The following ELOVL6 variants were observed in gnomAD, a reference collection of about 807,000 sequenced individuals.
ELOVL6 encodes the protein ELOVL fatty acid elongase 6, also known as very long chain fatty acid elongase 6.
In ELOVL6, 8 loss-of-function variants were observed where a neutral mutation model predicts 31.7. The ratio of observed to expected loss-of-function variants is 0.25; its 90% CI spans 0.15 to 0.45. The LOEUF (loss-of-function observed/expected upper bound fraction) is 0.45. ELOVL6 is among the 20% of genes least tolerant of loss of function. ELOVL6 has a pLI of 1.00. For missense variants in ELOVL6, 126 were observed against 326.4 expected (o/e 0.39, Z 4.73); for synonymous variants, 101 against 117.7 (o/e 0.86, Z 0.92).
chr4:110,129,056 C>A (rs1452536296), intron 1 of ELOVL6, among the ~76,000 whole-genome samples: 1 of 152,196 alleles, frequency 6.6e-6, no homozygotes, highest in African/African-American at 2.4e-5. Context: ...TTCAAAAGGA[C>A]AGGCTTATCT....
chr4:110,186,925 TA>T (rs1759466876), intron 1 of ELOVL6, among the ~76,000 whole-genome samples: 1 of 143,648 alleles, frequency 7.0e-6, no homozygotes, highest in South Asian at 2.2e-4. Context: ...AAAAAAAAAC[TA>T]TCAATTGAAT....
At position 110,084,083 on chromosome 4, in the gene ELOVL6, T is replaced by G. The variant is rs1229230535; in HGVS notation, c.221+21414A>C. 3.6e-5 allele frequency among the ~76,000 whole-genome samples: 4 copies of G among 111,456 alleles called. No homozygotes were observed. The East Asian group carries it at 1.1e-3, about 29-fold the overall frequency. 73.1% of individuals were successfully genotyped at this position (111,456 alleles called of 152,430 possible). A position where few individuals can be genotyped will look rare whatever the true frequency, so the allele number is the denominator to read the frequency against. On this transcript the variant is annotated intron_variant, in intron 2 of 3. Coordinates refer to ENST00000302274, the MANE Select transcript of ELOVL6 (RefSeq NM_024090.3). ...ATATATAACATATATATGCTATATA[T>G]GATATATAACATATATATGATATAT... is the stretch of plus-strand genomic sequence containing the variant.
intron 2 of ELOVL6, among the ~76,000 whole-genome samples, chr4:110,099,515 A>T (rs186842979): frequency 6.6e-6 from 1 of 152,218 alleles, no homozygotes; most frequent in Non-Finnish European, 1.5e-5. Flanking sequence ...AGCAAAAACA[A>T]TTGAGGCCAG....
chr4:110,193,706 C>G (rs1759692645), intron 1 of ELOVL6, among the ~76,000 whole-genome samples: 1 of 152,176 alleles, frequency 6.6e-6, no homozygotes, highest in Non-Finnish European at 1.5e-5. Flanking sequence ...GCATTTAATT[C>G]TTAAAATTCC....
At chr4:110,191,788 G>T (rs570280785) in intron 1 of ELOVL6, among the ~76,000 whole-genome samples, 41 of 151,650 alleles carry the variant, frequency 2.7e-4, no homozygotes, top group African/African-American at 9.0e-4. Context: ...CCAAGACCAG[G>T]CTCAAAAAAA....
At chr4:110,078,353 T>C (rs1357595593) in intron 2 of ELOVL6, among the ~76,000 whole-genome samples, 1 of 152,166 alleles carries the variant, frequency 6.6e-6, no homozygotes, top group Non-Finnish European at 1.5e-5. Flanking sequence ...GGTTGGGTTA[T>C]CCACGAAGGG....
intron 2 of ELOVL6, among the ~76,000 whole-genome samples, chr4:110,069,588 T>C (rs1216335668): frequency 6.6e-6 from 1 of 152,166 alleles, no homozygotes; most frequent in Admixed American, 6.5e-5. Flanking sequence ...TGGGGCACCA[T>C]TATCCCTGTT....
At position 110,051,812 on chromosome 4, in the gene ELOVL6, C is replaced by G. The variant is rs758604304; in HGVS notation, c.374-50G>C. 6.7e-7 allele frequency: 1 copy of G among 1,502,074 alleles called. No homozygotes were observed. Among genetic ancestry groups the G allele is most frequent in the South Asian group, 1.2e-5 (1 of 81,060 alleles). The allele number at this position is 1,502,074 out of a possible 1,614,324, so 93.0% of individuals were successfully genotyped here. A position where few individuals can be genotyped will look rare whatever the true frequency, so the allele number is the denominator to read the frequency against. ...ACGTGAGATCCTTGACCACCAGTAA[C>G]GATGACTTACAGTTTTGTAAGAGGG... On this transcript the variant is annotated intron_variant, in intron 3 of 3. Coordinates refer to ENST00000302274, the MANE Select transcript of ELOVL6 (RefSeq NM_024090.3). The surrounding 1 kb of genome is among the most constrained non-coding windows in gnomAD (Gnocchi z 4.8).
At chr4:110,194,815 C>T (rs1245330987) in intron 1 of ELOVL6, among the ~76,000 whole-genome samples, 3 of 152,342 alleles carry the variant, frequency 2.0e-5, no homozygotes, top group South Asian at 2.1e-4. Context: ...TGGCAAAATA[C>T]TACTCCTGGC....
intron 2 of ELOVL6, among the ~76,000 whole-genome samples, chr4:110,085,221 CTAG>C (rs1469035655): frequency 6.6e-6 from 1 of 152,134 alleles, no homozygotes; most frequent in Non-Finnish European, 1.5e-5. Flanking sequence ...TATTCTTCTC[CTAG>C]GAAGTCACAG....
intron 3 of ELOVL6, 52 bp downstream of exon 3, chr4:110,059,551 T>C (rs1755083253): frequency 5.8e-6 from 9 of 1,557,760 alleles, no homozygotes; most frequent in Non-Finnish European, 7.0e-6. Flanking sequence ...AAATAAATAC[T>C]GTGGATATGT....
rs540223291 is a variant in ELOVL6, at chr4:110,190,802, G to A, written c.89+7445C>T. 3.2e-4 allele frequency among the ~76,000 whole-genome samples: 47 copies of A among 147,288 alleles called. 1 individual carries two copies. In the South Asian group the frequency reaches 1.0e-2, roughly 31 times the overall value. On this transcript the variant is annotated intron_variant, in intron 1 of 3. Transcript: ENST00000302274. ...TTACAAGTATAAGCCACCATGCCCG[G>A]CCACTTTTTTTTTTTTCAATTTTTG...
chr4:110,101,593 A>G (rs922925217), intron 2 of ELOVL6, among the ~76,000 whole-genome samples: 2 of 152,226 alleles, frequency 1.3e-5, no homozygotes, highest in Non-Finnish European at 2.9e-5. Context: ...AACACATCAC[A>G]AATTTTTTTT....
intron 2 of ELOVL6, among the ~76,000 whole-genome samples, chr4:110,104,892 C>T (rs1756843013): frequency 6.6e-6 from 1 of 152,218 alleles, no homozygotes; most frequent in African/African-American, 2.4e-5. Flanking sequence ...CCTGAGAGAA[C>T]AGGCCTTGTC....
intron 1 of ELOVL6, among the ~76,000 whole-genome samples, chr4:110,168,895 T>C (rs1029681468): frequency 6.6e-6 from 1 of 152,222 alleles, no homozygotes; most frequent in Non-Finnish European, 1.5e-5. Context: ...AAGCCTTTAG[T>C]GGGTACGTGG....
At chr4:110,077,658 T>G (rs1755685613) in intron 2 of ELOVL6, among the ~76,000 whole-genome samples, 1 of 151,958 alleles carries the variant, frequency 6.6e-6, no homozygotes, top group East Asian at 1.9e-4. Flanking sequence ...GCAGAAAAAC[T>G]GGAAACTCTA....
chr4:110,084,555 C>CAGAT (rs1560815738), intron 2 of ELOVL6, among the ~76,000 whole-genome samples: 3 of 58,330 alleles, frequency 5.1e-5, no homozygotes, highest in African/African-American at 3.1e-4. Flanking sequence ...CACACACACA[C>CAGAT]ACACACAGAT....
At chr4:110,167,367 C>T (rs918194854) in intron 1 of ELOVL6, among the ~76,000 whole-genome samples, 1 of 152,040 alleles carries the variant, frequency 6.6e-6, no homozygotes, top group East Asian at 1.9e-4. Context: ...ACAAATTGGC[C>T]TTGTTATTAT....
chr4:110,168,946 G>A (rs74930621), intron 1 of ELOVL6, among the ~76,000 whole-genome samples: 5,364 of 150,778 alleles, frequency 0.036, 316 homozygotes, highest in African/African-American at 0.12. Flanking sequence ...CTTATTAAAC[G>A]TCCAGTAAGT....
Sources: allele counts gnomAD v4.1 joint callset (sites outside exome capture counted in the v4.1 genomes callset), GRCh38; gene constraint gnomAD v4.1.1; non-coding constraint Gnocchi (gnomAD v3.1); transcripts MANE v1.5; gene names NCBI Gene and HGNC (gene_info 2026-07-23, HGNC 2026-07-21).